Variants in DNER observed in about 807,000 individuals in gnomAD.
DNER encodes delta/notch like EGF repeat containing.
DNER carries 33 observed loss-of-function variants against 78.2 expected under a neutral mutation model. That is an observed-to-expected ratio of 0.42 (90% confidence interval 0.32 to 0.56). The LOEUF is 0.56. Among genes scored for constraint, DNER ranks in the 20% least tolerant of loss-of-function variants. The pLI, the probability that DNER is intolerant of heterozygous loss-of-function variation, is 0.11. For missense variants in DNER, 918 were observed against 975.3 expected, an observed-to-expected ratio of 0.94 and a Z score of 0.78; for synonymous variants, 417 against 384.8, an observed-to-expected ratio of 1.08 and a Z score of -0.98.
chr2:229,705,797 A>G (rs1009618450), intron 1 of DNER, among the ~76,000 whole-genome samples: 3 of 152,146 alleles, frequency 2.0e-5, no homozygotes, highest in Non-Finnish European at 4.4e-5. Context: ...CTTTCCAACC[A>G]TCCTGTCAAT....
At chr2:229,641,914 T>C (rs1394677714) in intron 1 of DNER, among the ~76,000 whole-genome samples, 2 of 152,056 alleles carry the variant, frequency 1.3e-5, no homozygotes, top group African/African-American at 4.8e-5. Flanking sequence ...CAAAAGACCC[T>C]AGAGGTCTGG....
intron 5 of DNER, among the ~76,000 whole-genome samples, chr2:229,534,565 T>A (rs1249737783): frequency 6.6e-6 from 1 of 152,216 alleles, no homozygotes; most frequent in Non-Finnish European, 1.5e-5. Context: ...ATGTATCCCA[T>A]TTCCAACTAA....
At chr2:229,632,713 T>TA (rs1312408545) in intron 1 of DNER, among the ~76,000 whole-genome samples, 1 of 152,204 alleles carries the variant, frequency 6.6e-6, no homozygotes, top group Non-Finnish European at 1.5e-5. Flanking sequence ...ATCACAAAAA[T>TA]ATAAATATCA....
At chr2:229,398,130 T>C (rs1243678117) in intron 10 of DNER, among the ~76,000 whole-genome samples, 1 of 151,894 alleles carries the variant, frequency 6.6e-6, no homozygotes, top group African/African-American at 2.4e-5. Flanking sequence ...CTAGCAAGAT[T>C]GACAAAGGAA....
intron 4 of DNER, among the ~76,000 whole-genome samples, chr2:229,577,873 T>C (rs992605161): frequency 6.6e-6 from 1 of 152,172 alleles, no homozygotes; most frequent in Admixed American, 6.5e-5. Flanking sequence ...ATATAATCAA[T>C]AAAGATATTA....
intron 8 of DNER, among the ~76,000 whole-genome samples, chr2:229,430,902 T>C (rs1693989323): frequency 6.6e-6 from 1 of 152,062 alleles, no homozygotes; most frequent in African/African-American, 2.4e-5. Flanking sequence ...AATATTTTTT[T>C]AGTGGAGAGA....
chr2:229,693,805 G>A (rs1236433000), intron 1 of DNER, among the ~76,000 whole-genome samples: 2 of 152,176 alleles, frequency 1.3e-5, no homozygotes, highest in Non-Finnish European at 2.9e-5. Context: ...GCAGCCTGAT[G>A]ATGCAATAGA....
chr2:229,422,904 AG>A (rs1693797245), intron 8 of DNER, among the ~76,000 whole-genome samples: 1 of 152,206 alleles, frequency 6.6e-6, no homozygotes, highest in African/African-American at 2.4e-5. Context: ...CAAGGCATGC[AG>A]TGCCATGGAA....
intron 7 of DNER, among the ~76,000 whole-genome samples, chr2:229,476,261 C>G (rs1275757795): frequency 6.6e-6 from 1 of 152,150 alleles, no homozygotes; most frequent in Admixed American, 6.5e-5. Flanking sequence ...TGAGGTACTG[C>G]CGATCACATG....
rs545132401 is a variant in DNER at position 229,675,805 on chromosome 2, C to T, written c.276+38343G>A. On this transcript the variant is annotated intron_variant, in intron 1 of 12. Transcript: ENST00000341772. ...CCAGCTCTTCAGGCTGGCAAGTTCC[C>T]AAGGCTCGTGCTCAGCAGGCAAATG... is the stretch of plus-strand genomic sequence containing the variant. Among the ~76,000 whole-genome samples the T allele has an allele frequency of 1.3e-4, 20 of 152,266 alleles. No individual in the cohort carries two copies. The South Asian group carries it at 3.7e-3, about 28-fold the overall frequency.
intron 6 of DNER, among the ~76,000 whole-genome samples, chr2:229,486,212 C>T (rs938880048): frequency 3.3e-5 from 5 of 152,008 alleles, no homozygotes; most frequent in African/African-American, 9.7e-5. Context: ...CATTATTGCA[C>T]AGAAAAAAAC....
At chr2:229,574,259 T>C (rs905092080) in intron 4 of DNER, among the ~76,000 whole-genome samples, 7 of 151,960 alleles carry the variant, frequency 4.6e-5, no homozygotes, top group African/African-American at 1.5e-4. Context: ...AAATAAATCA[T>C]CCGAGAAGAC....
chr2:229,481,580 G>A (rs190047062), intron 6 of DNER, among the ~76,000 whole-genome samples: 277 of 152,120 alleles, frequency 1.8e-3, no homozygotes, highest in Non-Finnish European at 3.3e-3. Context: ...TGTGTCTTTT[G>A]GTTTTTTATT....
chr2:229,714,540 G>C lies in DNER; in HGVS notation c.-117C>G. 1 of 1,033,144 alleles carries C rather than the reference G, an allele frequency of 9.7e-7. No homozygotes were observed. The highest frequency in any genetic ancestry group is 4.4e-5 in the South Asian group (1 of 22,498). 64.0% of individuals were successfully genotyped at this position (1,033,144 alleles called of 1,614,324 possible). On this transcript the variant is annotated 5_prime_UTR_variant, in exon 1 of 13. Transcript: ENST00000341772. ...CGGCTAGGGCTGCTCCGCCGGGCCG[G>C]GCGCCTCCTGCAGCTGCGGGATCCG...
At chr2:229,610,499 G>A (rs373481296) in intron 1 of DNER, among the ~76,000 whole-genome samples, 138 of 152,328 alleles carry the variant, frequency 9.1e-4, no homozygotes, top group African/African-American at 3.2e-3. Context: ...CACCATCATT[G>A]GGTTTGCATT....
chr2:229,561,899 AGTACAGAAATACCGTATT>A lies in DNER; in HGVS notation c.848-14825_848-14808del, dbSNP rs561498336. Among the ~76,000 whole-genome samples the A allele has an allele frequency of 8.1e-3, 1,233 of 152,264 alleles. 10 individuals are homozygous for A. The highest frequency in any genetic ancestry group is 0.028 in the African/African-American group (1,179 of 41,556). ...TTCTCCTCTGTGACCAGTGAGACAA[AGTACAGAAATACCGTATT>A]GTACATTTACAAGGACCGAGCACGC... On this transcript the variant is annotated intron_variant, in intron 4 of 12. Coordinates refer to ENST00000341772, the MANE Select transcript of DNER (RefSeq NM_139072.4).
chr2:229,668,886 T>C (rs946676682), intron 1 of DNER, among the ~76,000 whole-genome samples: 2 of 151,884 alleles, frequency 1.3e-5, no homozygotes, highest in Admixed American at 1.3e-4. Flanking sequence ...ATCCAAAGAA[T>C]TATAAATTAT....
At chr2:229,621,568 GT>G (rs537930624) in intron 1 of DNER, among the ~76,000 whole-genome samples, 3,124 of 129,178 alleles carry the variant, frequency 0.024, 39 homozygotes, top group Middle Eastern at 0.043. Context: ...TTGCCCTTTG[GT>G]TTTTTTTTTA....
intron 6 of DNER, among the ~76,000 whole-genome samples, chr2:229,510,513 G>A (rs1171747627): frequency 6.6e-6 from 1 of 152,246 alleles, no homozygotes; most frequent in Non-Finnish European, 1.5e-5. Context: ...GGGCTACAGA[G>A]GGTGGAGGAT....
Sources: allele counts gnomAD v4.1 joint callset (sites outside exome capture counted in the v4.1 genomes callset), GRCh38; gene constraint gnomAD v4.1.1; transcripts MANE v1.5; gene names NCBI Gene and HGNC (gene_info 2026-07-23, HGNC 2026-07-21).